Variants in ZBTB25 observed in about 807,000 individuals in gnomAD.
ZBTB25 encodes zinc finger and BTB domain containing 25.
A neutral mutation model predicts 34.2 loss-of-function variants in ZBTB25; 20 were observed. The observed-to-expected ratio is 0.58, with a 90% CI of 0.41 to 0.85. The LOEUF is 0.85. ZBTB25 is among the 40% of genes least tolerant of loss of function. ZBTB25 has a pLI of 0.00. For synonymous variants in ZBTB25, 175 were observed against 186.4 expected, an observed-to-expected ratio of 0.94 and a Z score of 0.50; for missense variants, 437 against 521.8, an observed-to-expected ratio of 0.84 and a Z score of 1.58.
chr14:64,491,402 G>A (rs1051534006), intron 1 of ZBTB25, among the ~76,000 whole-genome samples: 1 of 152,116 alleles, frequency 6.6e-6, no homozygotes. Context: ...GGAGGTCAAG[G>A]CTGCAGTGAG....
At chr14:64,458,727 T>A (rs2078515151) in intron 2 of ZBTB25, 1 of 244,844 alleles carries the variant, frequency 4.1e-6, no homozygotes, top group African/African-American at 2.3e-5. Flanking sequence ...GCAAATGTCT[T>A]AGGAAGTATA....
At chr14:64,494,615 C>T (rs1162090217) in intron 1 of ZBTB25, among the ~76,000 whole-genome samples, 2 of 151,770 alleles carry the variant, frequency 1.3e-5, no homozygotes, top group South Asian at 2.1e-4. Flanking sequence ...GGCAACAGAG[C>T]GAGACTCTGT....
chr14:64,469,648 T>C, intron 2 of ZBTB25: 2 of 1,595,562 alleles, frequency 1.3e-6, no homozygotes, highest in South Asian at 1.2e-5. Flanking sequence ...TGGCCTCTGA[T>C]GATAATAAAA....
chr14:64,494,661 C>T (rs1393565211), intron 1 of ZBTB25, among the ~76,000 whole-genome samples: 1 of 151,888 alleles, frequency 6.6e-6, no homozygotes, highest in Admixed American at 6.6e-5. Flanking sequence ...ATAAAGAAAC[C>T]AGAGGGTATA....
At chr14:64,475,760 G>A (rs1159802791), downstream of ZBTB25, among the ~76,000 whole-genome samples, 1 of 152,158 alleles carries the variant, frequency 6.6e-6, no homozygotes, top group Non-Finnish European at 1.5e-5. Context: ...TAGGTGAGGA[G>A]AGGATGGTGT....
intron 2 of ZBTB25, chr14:64,461,272 A>G (rs772848866): frequency 1.3e-5 from 2 of 152,052 alleles, no homozygotes; most frequent in Admixed American, 6.6e-5. Flanking sequence ...AATACAGTCA[A>G]TTTTACAGTC....
At chr14:64,463,039 CTA>C (rs2078570750) in intron 2 of ZBTB25, 1 of 151,878 alleles carries the variant, frequency 6.6e-6, no homozygotes, top group African/African-American at 2.4e-5. Flanking sequence ...ACATGATAAG[CTA>C]TAGGTAGGAT....
In ZBTB25 at chr14:64,486,742, T is replaced by C. The variant is rs1344528960; in HGVS notation, c.*181A>G. On this transcript the variant is annotated 3_prime_UTR_variant, in exon 3 of 3. Transcript: ENST00000608382. ...TCACAGTAGTAATTGAATGTTACAT[T>C]TTAATAGCCACATATTAATATGTCT... 16 of 1,261,884 alleles carry C rather than the reference T, an allele frequency of 1.3e-5. No homozygotes were observed. Among genetic ancestry groups the C allele is most frequent in the Non-Finnish European group, 1.5e-5 (15 of 1,000,562 alleles). The allele number at this position is 1,261,884 out of a possible 1,614,324, so 78.2% of individuals were successfully genotyped here.
chr14:64,499,566 CAAA>C, intron 1 of ZBTB25: 1 of 97,758 alleles, frequency 1.0e-5, no homozygotes, highest in Non-Finnish European at 2.1e-5. Flanking sequence ...AACTCCATCT[CAAA>C]AAAAAAAAGA....
chr14:64,493,435 G>A (rs1383310435), intron 1 of ZBTB25, among the ~76,000 whole-genome samples: 1 of 152,190 alleles, frequency 6.6e-6, no homozygotes, highest in South Asian at 2.1e-4. Flanking sequence ...AGAAACAGTG[G>A]GCCCACAGTT....
intron 2 of ZBTB25, chr14:64,455,165 C>T: frequency 2.4e-6 from 1 of 417,224 alleles, no homozygotes. Flanking sequence ...AGGATGAGCC[C>T]AGTTGATAGG....
At chr14:64,467,162 C>T (rs1257358416) in intron 2 of ZBTB25, 10 of 152,110 alleles carry the variant, frequency 6.6e-5, no homozygotes, top group Non-Finnish European at 1.3e-4. Flanking sequence ...CATTTTCTGA[C>T]GAAACTCTTA....
chr14:64,500,333 G>A (rs1264387441), intron 1 of ZBTB25, among the ~76,000 whole-genome samples: 2 of 151,752 alleles, frequency 1.3e-5, no homozygotes, highest in Admixed American at 6.6e-5. Flanking sequence ...TGCTTAAAGT[G>A]CTTGGAGATT....
intron 2 of ZBTB25, chr14:64,461,943 G>A (rs1446799353): frequency 5.3e-5 from 8 of 152,174 alleles, no homozygotes; most frequent in Non-Finnish European, 1.0e-4. Context: ...CACCTGGAAT[G>A]GGATTTGCTG....
chr14:64,455,253 TAGG>T (rs1318276596), intron 2 of ZBTB25: 1 of 261,824 alleles, frequency 3.8e-6, no homozygotes, highest in Non-Finnish European at 7.5e-6. Flanking sequence ...CCCACAGCCC[TAGG>T]AGGTAGGGAC....
intron 2 of ZBTB25, among the ~76,000 whole-genome samples, chr14:64,453,028 C>A (rs1162222282): frequency 6.6e-6 from 1 of 151,850 alleles, no homozygotes; most frequent in Non-Finnish European, 1.5e-5. Context: ...CCAGCCTGAA[C>A]ATCTACTTTT....
chr14:64,464,043 T>G (rs1002772674), intron 2 of ZBTB25, among the ~76,000 whole-genome samples: 2 of 152,066 alleles, frequency 1.3e-5, no homozygotes, highest in African/African-American at 2.4e-5. Flanking sequence ...TGAATTTTTT[T>G]TTTTTTTTGA....
intron 2 of ZBTB25, chr14:64,469,010 GGAGA>G: frequency 6.2e-7 from 1 of 1,614,176 alleles, no homozygotes; most frequent in Non-Finnish European, 8.5e-7. Flanking sequence ...CACAACTTCT[GGAGA>G]GAAAGTGATT....
intron 1 of ZBTB25, 117 bp from the exon 2 acceptor site, chr14:64,490,657 A>G: frequency 2.1e-6 from 2 of 938,624 alleles, no homozygotes; most frequent in Non-Finnish European, 3.0e-6. Context: ...GGAGATCTAA[A>G]TTTAAATGAA....
Sources: gnomAD v4.1 joint callset for allele counts (sites outside exome capture counted in the v4.1 genomes callset) on GRCh38, gnomAD v4.1.1 for gene constraint, MANE v1.5 for transcripts, NCBI Gene and HGNC (gene_info 2026-07-23, HGNC 2026-07-21) for gene names.